Variants in VLDLR observed in about 807,000 individuals in gnomAD.
VLDLR encodes very low density lipoprotein receptor.
A neutral mutation model predicts 112.7 loss-of-function variants in VLDLR; 81 were observed. The ratio of observed to expected loss-of-function variants is 0.72; its 90% CI spans 0.60 to 0.86. The LOEUF (loss-of-function observed/expected upper bound fraction) is 0.86, where lower values mean the gene tolerates loss of function less well. Among genes scored for constraint, VLDLR ranks in the 40% least tolerant of loss-of-function variants. VLDLR has a pLI of 0.00. For synonymous variants in VLDLR, 436 were observed against 384.8 expected, an observed-to-expected ratio of 1.13 and a Z score of -1.56; for missense variants, 1,237 against 1,099.4, an observed-to-expected ratio of 1.13 and a Z score of -1.77.
intron 1 of VLDLR, among the ~76,000 whole-genome samples, chr9:2,623,221 C>CG (rs1239382179): frequency 6.6e-6 from 1 of 152,118 alleles, no homozygotes; most frequent in Non-Finnish European, 1.5e-5. Flanking sequence ...GACTCTGCCG[C>CG]GGGGGCCTGG....
chr9:2,623,789 T>C (rs1003373312), intron 1 of VLDLR, among the ~76,000 whole-genome samples: 22 of 152,182 alleles, frequency 1.4e-4, no homozygotes, highest in Admixed American at 1.3e-3. Flanking sequence ...CTGCCTGGAC[T>C]CTTTGAAGAG....
intron 7 of VLDLR, among the ~76,000 whole-genome samples, chr9:2,644,302 G>T (rs1817964146): frequency 6.7e-6 from 1 of 149,110 alleles, no homozygotes; most frequent in East Asian, 2.0e-4. Context: ...GGGACTATAG[G>T]CGCCCACCAC....
intron 1 of VLDLR, among the ~76,000 whole-genome samples, chr9:2,633,051 A>AGTGTGTGTGTGTGT (rs71329439): frequency 5.8e-4 from 67 of 115,462 alleles, no homozygotes; most frequent in African/African-American, 1.2e-3. Flanking sequence ...AGAGAGAGAG[A>AGTGTGTGTGTGTGT]GTGTGTGTGT....
rs1258270811 is a variant in VLDLR, at chr9:2,635,539, G to C, written c.169G>C (p.Asp57His). ...TLLWKCDGDE[D>H]CVDGSDEKNC... Reference sequence around the variant, plus strand: ...GTTGTGGAAATGTGATGGGGATGAAGACTGTGTTGACGGCAGTGATGAAAA... The same window carrying C: ...GTTGTGGAAATGTGATGGGGATGAACACTGTGTTGACGGCAGTGATGAAAA... The change falls in exon 2 of 19, where the codon GAC (aspartate) becomes CAC (histidine). Residue 57 changes from aspartate to histidine, a missense_variant. Coordinates refer to ENST00000382100, the MANE Select transcript of VLDLR (RefSeq NM_003383.5). 1.9e-6 allele frequency: 3 copies of C among 1,614,152 alleles called. No homozygotes were observed. The highest frequency in any genetic ancestry group is 8.5e-7 in the Non-Finnish European group (1 of 1,179,996).
In VLDLR at chr9:2,622,150, C is replaced by T. The variant is rs1563740341; in HGVS notation, c.-40C>T. ...GTAACTTGTCGTGCGGAGCGAACGG[C>T]GGCGGCGGCGGCGGCGGCGGCACCA... is the stretch of plus-strand genomic sequence containing the variant. On this transcript the variant is annotated 5_prime_UTR_variant, in exon 1 of 19. Coordinates refer to ENST00000382100, the MANE Select transcript of VLDLR (RefSeq NM_003383.5). 2 of 593,060 alleles carry T rather than the reference C, an allele frequency of 3.4e-6. No homozygotes were observed. Among genetic ancestry groups the T allele is most frequent in the African/African-American group, 2.3e-5 (1 of 44,076 alleles). The allele number at this position is 593,060 out of a possible 1,614,324, so 36.7% of individuals were successfully genotyped here. A position where few individuals can be genotyped will look rare whatever the true frequency, so the allele number is the denominator to read the frequency against.
chr9:2,652,068 G>A, intron 17 of VLDLR, 114 bp downstream of exon 17: 1 of 953,184 alleles, frequency 1.0e-6, no homozygotes, highest in Non-Finnish European at 1.6e-6. Flanking sequence ...TAGCATTTAT[G>A]ACACTGAATT....
Position 2,643,701 on chromosome 9 carries a change from T to G in VLDLR, c.894T>G (p.Asn298Lys). The G allele has an allele frequency of 6.2e-7, 1 of 1,614,184 alleles. No individual in the cohort carries two copies. The highest frequency in any genetic ancestry group is 8.5e-7 in the Non-Finnish European group (1 of 1,180,036). ...GCATCCATGGCAGCAGGCAGTGTAA[T>G]GGTATCCGAGACTGTGTCGATGGTT... is the stretch of plus-strand genomic sequence containing the variant. ...GSCIHGSRQC[N>K]GIRDCVDGSD... The change falls in exon 6 of 19, where the codon AAT becomes AAG. Residue 298 changes from asparagine to lysine, a missense_variant. Asn to Lys is a moderately conservative substitution (Grantham distance 94, BLOSUM62 0). Transcript: ENST00000382100.
intron 1 of VLDLR, among the ~76,000 whole-genome samples, chr9:2,623,016 G>T (rs942947718): frequency 6.6e-6 from 1 of 152,260 alleles, no homozygotes; most frequent in South Asian, 2.1e-4. Context: ...CGCGGAGGGG[G>T]AGTGGAGGGG....
At chr9:2,626,660 C>T (rs1817103344) in intron 1 of VLDLR, among the ~76,000 whole-genome samples, 1 of 152,168 alleles carries the variant, frequency 6.6e-6, no homozygotes, top group African/African-American at 2.4e-5. Context: ...GATGAAGCCT[C>T]TGGCTAGAGC....
chr9:2,644,100 T>G, intron 7 of VLDLR, 141 bp downstream of exon 7: 3 of 1,299,842 alleles, frequency 2.3e-6, no homozygotes, highest in South Asian at 1.3e-5. Context: ...AGTGAAACTT[T>G]ATGACTTAAA....
chr9:2,627,675 C>T (rs1415515231), intron 1 of VLDLR, among the ~76,000 whole-genome samples: 1 of 151,848 alleles, frequency 6.6e-6, no homozygotes, highest in Non-Finnish European at 1.5e-5. Flanking sequence ...CCAGCCTGGC[C>T]AACATAGTGA....
At chr9:2,649,108 C>T (rs1209397031) in intron 14 of VLDLR, among the ~76,000 whole-genome samples, 1 of 152,200 alleles carries the variant, frequency 6.6e-6, no homozygotes, top group African/African-American at 2.4e-5. Flanking sequence ...TTGCAGTAGC[C>T]TCCAAAGTAG....
At chr9:2,637,288 T>C (rs1817634794) in intron 2 of VLDLR, among the ~76,000 whole-genome samples, 2 of 152,246 alleles carry the variant, frequency 1.3e-5, no homozygotes, top group African/African-American at 4.8e-5. Context: ...TTACAATATT[T>C]AGCTTAGTTC....
intron 17 of VLDLR, 91 bp downstream of exon 17, chr9:2,652,045 C>T: frequency 3.4e-6 from 4 of 1,167,546 alleles, no homozygotes; most frequent in East Asian, 2.4e-5. Flanking sequence ...CTTTCATGGG[C>T]CTTTATGCTG....
At chr9:2,622,568 G>C (rs1816862288) in intron 1 of VLDLR, among the ~76,000 whole-genome samples, 1 of 152,234 alleles carries the variant, frequency 6.6e-6, no homozygotes, top group Non-Finnish European at 1.5e-5. Flanking sequence ...TCGCCCTCTT[G>C]ACGGGCGCCG....
chr9:2,633,364 G>A (rs1817453232), intron 1 of VLDLR, among the ~76,000 whole-genome samples: 1 of 152,044 alleles, frequency 6.6e-6, no homozygotes, highest in Non-Finnish European at 1.5e-5. Flanking sequence ...GTAAATATCA[G>A]CCTTGGGATA....
intron 15 of VLDLR, 33 bp downstream of exon 15, chr9:2,650,549 A>G (rs1818279761): frequency 6.2e-7 from 1 of 1,610,972 alleles, no homozygotes; most frequent in South Asian, 1.1e-5. Flanking sequence ...CACAAGTAGA[A>G]CCTACAACAA....
In VLDLR at chr9:2,644,773, A is replaced by G. The variant is rs766031499; in HGVS notation, c.1106A>G (p.His369Arg). ...TTGGTAAATAATGGTGGATGTTCTC[A>G]TATCTGCAAAGACCTAGTTATAGGC... is the stretch of plus-strand genomic sequence containing the variant. ...ECLVNNGGCS[H>R]ICKDLVIGYE... is the part of the protein sequence containing the mutation. The change falls in exon 8 of 19, where the codon CAT becomes CGT. Residue 369 changes from histidine (H) to arginine (R), a missense_variant. Physicochemically the swap from His to Arg is conservative, Grantham distance 29. Coordinates refer to ENST00000382100, the MANE Select transcript of VLDLR (RefSeq NM_003383.5). 6.2e-6 allele frequency: 10 copies of G among 1,614,218 alleles called. No homozygotes were observed. The highest frequency in any genetic ancestry group is 1.6e-4 in the Middle Eastern group (1 of 6,062).
intron 1 of VLDLR, 129 bp downstream of exon 1, chr9:2,622,400 C>G (rs1384497436): frequency 1.3e-6 from 1 of 796,196 alleles, no homozygotes; most frequent in Non-Finnish European, 1.8e-6. Context: ...CGCCTTCCCT[C>G]CCTCCCCTCC....
Sources: gnomAD v4.1 joint callset for allele counts (sites outside exome capture counted in the v4.1 genomes callset) on GRCh38, gnomAD v4.1.1 for gene constraint, MANE v1.5 for transcripts, NCBI Gene and HGNC (gene_info 2026-07-23, HGNC 2026-07-21) for gene names.